L3MBTL2: variants seen among roughly 807,000 people sequenced by gnomAD.
The protein encoded by L3MBTL2 is lethal(3)malignant brain tumor-like protein 2.
L3MBTL2 carries 49 observed loss-of-function variants against 86.4 expected under a neutral mutation model. The observed-to-expected ratio is 0.57, with a 90% CI of 0.45 to 0.72. The LOEUF is 0.72. Ranked by LOEUF, L3MBTL2 falls within the 30% of genes least tolerant of loss-of-function variation. L3MBTL2 has a pLI of 0.00. For missense variants in L3MBTL2, 755 were observed against 923.7 expected (o/e 0.82, Z 2.37); for synonymous variants, 336 against 350.6 (o/e 0.96, Z 0.47).
At chr22:41,207,957 G>C (rs563081334) in intron 1 of L3MBTL2, among the ~76,000 whole-genome samples, 1 of 151,264 alleles carries the variant, frequency 6.6e-6, no homozygotes, top group East Asian at 2.0e-4. Context: ...TCAGCCTCCC[G>C]AGTAGCTGGG....
At chr22:41,223,953 C>T in intron 8 of L3MBTL2, 67 bp from the exon 9 acceptor site, 5 of 1,284,114 alleles carry the variant, frequency 3.9e-6, no homozygotes, top group South Asian at 1.2e-5. Flanking sequence ...CCTCCACTCA[C>T]CAGAGCAGGA....
At chr22:41,205,572 G>T (rs1323498337) in intron 1 of L3MBTL2, among the ~76,000 whole-genome samples, 186 bp downstream of exon 1, 1 of 152,182 alleles carries the variant, frequency 6.6e-6, no homozygotes, top group Admixed American at 6.6e-5. Context: ...TCCTGCTGGG[G>T]CCAACGTTCG....
chr22:41,212,456 G>A (rs2030955713), intron 2 of L3MBTL2, among the ~76,000 whole-genome samples: 1 of 148,024 alleles, frequency 6.8e-6, no homozygotes, highest in African/African-American at 2.5e-5. Flanking sequence ...GGAGTGCAGT[G>A]GTGCCATCTC....
intron 2 of L3MBTL2, among the ~76,000 whole-genome samples, chr22:41,211,784 C>T (rs2030856291): frequency 6.7e-6 from 1 of 148,374 alleles, no homozygotes. Context: ...GTCTCGATCT[C>T]CTGACCTTGT....
chr22:41,209,500 C>T (rs1025645337), intron 1 of L3MBTL2, 196 bp from the exon 2 acceptor site: 15 of 574,104 alleles, frequency 2.6e-5, no homozygotes, highest in Non-Finnish European at 4.4e-5. Flanking sequence ...CACATATTTT[C>T]TGTCTTGTTA....
At position 41,221,219 on chromosome 22, in the gene L3MBTL2, G is replaced by A. The variant is rs745928119; in HGVS notation, c.874G>A (p.Asp292Asn). 3.1e-5 allele frequency: 48 copies of A among 1,550,676 alleles called. 1 individual carries two copies. The highest frequency in any genetic ancestry group is 2.2e-4 in the Admixed American group (11 of 50,954). ...CACAGCCATCCATGCCAAGTTCACC[G>A]ACTGGAAGGGCTACCTCATGAAACG... is the stretch of plus-strand genomic sequence containing the variant. ...PPRTIHAKFT[D>N]WKGYLMKRLV... The change falls in exon 8 of 17, where the codon GAC (aspartate) becomes AAC (asparagine). Residue 292 changes from aspartate to asparagine, a missense_variant. Around this residue, in one of 3 missense-constraint regions of L3MBTL2, gnomAD observed 634 missense variants for 748.9 expected, o/e 0.85. Coordinates refer to ENST00000216237, the MANE Select transcript of L3MBTL2 (RefSeq NM_031488.5).
chr22:41,228,457 A>G (rs139477), intron 15 of L3MBTL2: 254,297 of 985,300 alleles, frequency 0.26, 35,249 homozygotes, highest in Non-Finnish European at 0.28. Context: ...CATCCTTCAG[A>G]GCCGCAGGCC....
In L3MBTL2 at chr22:41,228,228, C is replaced by T. The variant is rs1483962441; in HGVS notation, c.1888+359C>T. On this transcript the variant is annotated intron_variant, in intron 15 of 16. Coordinates refer to ENST00000216237, the MANE Select transcript of L3MBTL2 (RefSeq NM_031488.5). ...CAGCTGCTAGGTTCTAAAGGAAAAG[C>T]CACAGGAAGAAATAGAAGCTGTCTC... 5.1e-6 allele frequency: 5 copies of T among 985,344 alleles called. No homozygotes were observed. The African/African-American group carries it at 8.7e-5, about 17-fold the overall frequency. 61.0% of individuals were successfully genotyped at this position (985,344 alleles called of 1,614,324 possible).
intron 15 of L3MBTL2, chr22:41,228,287 TGAGGGTGGGA>T (rs1396028406): frequency 1.0e-6 from 1 of 985,276 alleles, no homozygotes; most frequent in Non-Finnish European, 1.2e-6. Context: ...GAGACCTCTT[TGAGGGTGGGA>T]GAGGGTGGGA....
rs951218189 is a variant in L3MBTL2, at chr22:41,225,532, C to T, written c.1357-262C>T. Among the ~76,000 whole-genome samples, 1 of 152,218 alleles carries T rather than the reference C, an allele frequency of 6.6e-6. No homozygotes were observed. Among genetic ancestry groups the T allele is most frequent in the Non-Finnish European group, 1.5e-5 (1 of 68,038 alleles). ...CCGCTCCATGCCGGGCGCGTGTGCT[C>T]ACCCAAGAACACGGTCCAACAGGAT... On this transcript the variant is annotated intron_variant, in intron 11 of 16. Transcript: ENST00000216237. This position sits in a 1 kb window ranked among gnomAD's most constrained non-coding sequence, Gnocchi z 4.1.
At chr22:41,211,927 G>A (rs1299927839) in intron 2 of L3MBTL2, among the ~76,000 whole-genome samples, 1 of 115,772 alleles carries the variant, frequency 8.6e-6, no homozygotes, top group Non-Finnish European at 1.7e-5. Context: ...GCAGTGGCAC[G>A]ATCTTGGCTC....
intron 3 of L3MBTL2, chr22:41,214,232 C>T: frequency 1.9e-6 from 1 of 538,672 alleles, no homozygotes; most frequent in Non-Finnish European, 3.3e-6. Context: ...CGCTCCATTA[C>T]CTACCATCAT....
At position 41,221,284 on chromosome 22, in the gene L3MBTL2, C is replaced by T; in HGVS notation, c.939C>T (p.Ile313=). 1 of 1,551,546 alleles carries T rather than the reference C, an allele frequency of 6.4e-7. No individual in the cohort carries two copies. Among genetic ancestry groups the T allele is most frequent in the Non-Finnish European group, 8.7e-7 (1 of 1,146,800 alleles). The change falls in exon 8 of 17, where the codon ATC becomes ATT. Residue 313 remains isoleucine, a synonymous_variant. Coordinates refer to ENST00000216237, the MANE Select transcript of L3MBTL2 (RefSeq NM_031488.5). ...GSRTLPVDFH[I]KMVESMKYPF... The stretch of plus-strand genomic sequence containing the variant: ...GGACGCTTCCCGTGGATTTCCACAT[C>T]AAGGTCGGCAGTGAGCCCTTAACTG...
intron 2 of L3MBTL2, among the ~76,000 whole-genome samples, chr22:41,210,454 T>C (rs2030656036): frequency 6.6e-6 from 1 of 152,090 alleles, no homozygotes; most frequent in African/African-American, 2.4e-5. Flanking sequence ...CTCAGCCTCC[T>C]GAGTAGCTGG....
chr22:41,222,876 G>T (rs5758266), intron 8 of L3MBTL2, among the ~76,000 whole-genome samples: 50,204 of 151,964 alleles, frequency 0.33, 8,593 homozygotes, highest in Admixed American at 0.43. Flanking sequence ...AGCTGAGATC[G>T]TGCCACTGCA....
In L3MBTL2 at chr22:41,227,236, C is replaced by T; in HGVS notation, c.1735C>T (p.Gln579Ter). 6.2e-7 allele frequency: 1 copy of T among 1,613,322 alleles called. No individual in the cohort carries two copies. ...HFDGWDSEYD[Q>*]WVDCESPDIY... ...TGACGGCTGGGACAGCGAGTACGAC[C>T]AGTGGGTGGACTGCGAGTCCCCAGA... is the stretch of plus-strand genomic sequence containing the variant. The change falls in exon 14 of 17, where the codon CAG becomes TAG. Residue 579 changes from glutamine (Q) to a stop codon, truncating the protein, a stop_gained. Transcript: ENST00000216237. LOFTEE classifies it high-confidence loss of function. This position sits in a 1 kb window ranked among gnomAD's most constrained non-coding sequence, Gnocchi z 6.0.
chr22:41,205,323 G>A lies in L3MBTL2; in HGVS notation c.-40G>A, dbSNP rs1285970639. ...GAGAGCGACGGGGCAGGCCAATATG[G>A]CTTCCTGCACCTGGTGACGCTTGGC... On this transcript the variant is annotated 5_prime_UTR_variant, in exon 1 of 17. Coordinates refer to ENST00000216237, the MANE Select transcript of L3MBTL2 (RefSeq NM_031488.5). 6.2e-7 allele frequency: 1 copy of A among 1,613,662 alleles called. No homozygotes were observed. Among genetic ancestry groups the A allele is most frequent in the Non-Finnish European group, 8.5e-7 (1 of 1,179,596 alleles).
chr22:41,222,923 CA>C (rs34376261), intron 8 of L3MBTL2, among the ~76,000 whole-genome samples: 45,407 of 145,534 alleles, frequency 0.31, 7,055 homozygotes, highest in Admixed American at 0.43. Context: ...GACTCCATTT[CA>C]AAAAAAAAAA....
Position 41,210,250 on chromosome 22 carries a change from A to G in L3MBTL2, c.262+317A>G, listed in dbSNP as rs539200800. On this transcript the variant is annotated intron_variant, in intron 2 of 16. Coordinates refer to ENST00000216237, the MANE Select transcript of L3MBTL2 (RefSeq NM_031488.5). The stretch of plus-strand genomic sequence containing the variant: ...CTGCAACTTCCACCTCCTGAGTTCA[A>G]GTGATTCTCATGCCTCAGCCTTCCA... 5.3e-4 allele frequency among the ~76,000 whole-genome samples: 79 copies of G among 150,448 alleles called. 1 individual carries two copies. Among genetic ancestry groups the G allele is most frequent in the Admixed American group, 8.6e-4 (13 of 15,036 alleles).
Sources: allele counts gnomAD v4.1 joint callset (sites outside exome capture counted in the v4.1 genomes callset), GRCh38; gene constraint gnomAD v4.1.1; regional missense constraint gnomAD v4.1.1; non-coding constraint Gnocchi (gnomAD v3.1); transcripts MANE v1.5; gene names NCBI Gene and HGNC (gene_info 2026-07-23, HGNC 2026-07-21).